CAMTA1: variants seen among roughly 807,000 people sequenced by gnomAD.
CAMTA1 encodes the protein calmodulin binding transcription activator 1.
CAMTA1 carries 27 observed loss-of-function variants against 170.9 expected under a neutral mutation model. The ratio of observed to expected loss-of-function variants is 0.16; its 90% CI spans 0.12 to 0.22. The LOEUF is 0.22. Ranked by LOEUF, CAMTA1 falls within the 10% of genes least tolerant of loss-of-function variation. The pLI is 1.00. For synonymous variants in CAMTA1, 833 were observed against 891.5 expected (o/e 0.93, Z 1.17); for missense variants, 1,619 against 2,217.2 (o/e 0.73, Z 5.42).
chr1:7,462,142 T>C (rs2093104728), intron 5 of CAMTA1, among the ~76,000 whole-genome samples: 1 of 152,264 alleles, frequency 6.6e-6, no homozygotes, highest in Non-Finnish European at 1.5e-5. Flanking sequence ...TTATTTTATT[T>C]TTGAGACAGA....
rs1277238308 is a variant in CAMTA1, at chr1:7,300,869, A to T, written c.438+51243A>T. 1.3e-5 allele frequency among the ~76,000 whole-genome samples: 2 copies of T among 152,208 alleles called. No homozygotes were observed. Among genetic ancestry groups the T allele is most frequent in the Non-Finnish European group, 2.9e-5 (2 of 68,040 alleles). On this transcript the variant is annotated intron_variant, in intron 5 of 22. Coordinates refer to ENST00000303635, the MANE Select transcript of CAMTA1 (RefSeq NM_015215.4). The surrounding 1 kb of genome is among the most constrained non-coding windows in gnomAD (Gnocchi z 4.1). ...ACTCAAAGTAAATATTAATTCCATT[A>T]TGCCATAAACTTTTATTTATCATGA...
rs146802623 is a variant in CAMTA1, at chr1:7,556,588, C to T, written c.511-83812C>T. 2.5e-3 allele frequency among the ~76,000 whole-genome samples: 374 copies of T among 152,288 alleles called. 2 individuals carry two copies. The highest frequency in any genetic ancestry group is 8.6e-3 in the African/African-American group (356 of 41,538). On this transcript the variant is annotated intron_variant, in intron 6 of 22. Coordinates refer to ENST00000303635, the MANE Select transcript of CAMTA1 (RefSeq NM_015215.4). ...TCAACACCACTGTTCTAAGGGTGGCCACTGTGGCCATTCCTGCTCTCAAAC... is the reference window on the plus strand; with the variant it reads ...TCAACACCACTGTTCTAAGGGTGGCTACTGTGGCCATTCCTGCTCTCAAAC...
chr1:6,868,772 G>A (rs1306468299), intron 3 of CAMTA1, among the ~76,000 whole-genome samples: 2 of 152,196 alleles, frequency 1.3e-5, no homozygotes, highest in Admixed American at 6.5e-5. Flanking sequence ...AATATTCTTT[G>A]CTGTAACACT....
intron 11 of CAMTA1, among the ~76,000 whole-genome samples, chr1:7,708,338 C>T (rs933853721): frequency 6.7e-6 from 1 of 150,340 alleles, no homozygotes; most frequent in African/African-American, 2.5e-5. Context: ...CTCAACAAAA[C>T]AAAACAAAGA....
Position 7,664,326 on chromosome 1 carries a change from G to A in CAMTA1, c.1779G>A (p.Lys593=), listed in dbSNP as rs1226299016. 6.2e-7 allele frequency: 1 copy of A among 1,613,472 alleles called. No individual in the cohort carries two copies. The highest frequency in any genetic ancestry group is 2.2e-5 in the East Asian group (1 of 44,878). Residue 593 remains lysine (K), a synonymous_variant, in exon 9 of 23, where the codon AAG becomes AAA. Coordinates refer to ENST00000303635, the MANE Select transcript of CAMTA1 (RefSeq NM_015215.4). The part of the protein sequence containing the change: ...QMDFSAIDSN[K]DYTSSFSQTG... ...ACTTCAGCGCCATCGACTCCAACAA[G>A]GACTACACGTCCAGCTTCAGCCAGA... is the stretch of plus-strand genomic sequence containing the variant.
rs533421288 is a variant in CAMTA1, at chr1:7,417,163, G to A, written c.439-50667G>A. On this transcript the variant is annotated intron_variant, in intron 5 of 22. Coordinates refer to ENST00000303635, the MANE Select transcript of CAMTA1 (RefSeq NM_015215.4). ...TTTTGTCTCAGAGGAGTACCCGGCC[G>A]TGTGAGGTGTCAGTCTGCCCCTACT... 1.4e-4 allele frequency among the ~76,000 whole-genome samples: 22 copies of A among 152,376 alleles called. No homozygotes were observed. In the South Asian group the frequency reaches 3.5e-3, roughly 24 times the overall value.
Position 7,736,478 on chromosome 1 carries a change from C to T in CAMTA1, c.3201C>T (p.Thr1067=), listed in dbSNP as rs762167177. 8.1e-6 allele frequency: 13 copies of T among 1,614,116 alleles called. No homozygotes were observed. The South Asian group carries it at 1.4e-4, about 18-fold the overall frequency. ...LIHSKTFRGM[T]LLHLAAAQGY... is the part of the protein sequence containing the mutation. ...ACTCAAAGACTTTCCGCGGAATGACCCTACTCCACCTGGCCGCTGCCCAGG... is the reference window on the plus strand; with the variant it reads ...ACTCAAAGACTTTCCGCGGAATGACTCTACTCCACCTGGCCGCTGCCCAGG... The change falls in exon 13 of 23, where the codon ACC becomes ACT. Residue 1067 remains threonine (T), a synonymous_variant. Transcript: ENST00000303635. The surrounding 1 kb of genome is among the most constrained non-coding windows in gnomAD (Gnocchi z 4.5).
At chr1:7,525,712 C>A (rs1429964618) in intron 6 of CAMTA1, among the ~76,000 whole-genome samples, 1 of 152,164 alleles carries the variant, frequency 6.6e-6, no homozygotes, top group African/African-American at 2.4e-5. Flanking sequence ...ATCTGTGAAA[C>A]CACCCCTGCA....
intron 3 of CAMTA1, among the ~76,000 whole-genome samples, chr1:6,950,148 A>AG (rs1193909171): frequency 2.0e-5 from 3 of 152,164 alleles, no homozygotes; most frequent in African/African-American, 7.2e-5. Flanking sequence ...GCCCAGGGGC[A>AG]GGGGATGGTG....
chr1:7,760,475 A>G (rs1187937949), intron 22 of CAMTA1, among the ~76,000 whole-genome samples: 3 of 152,334 alleles, frequency 2.0e-5, no homozygotes, highest in South Asian at 2.1e-4. Context: ...CCGTAGCTCA[A>G]TTTGGCATGA....
intron 4 of CAMTA1, among the ~76,000 whole-genome samples, chr1:7,246,655 AC>A (rs1234939850): frequency 1.8e-5 from 2 of 109,000 alleles, no homozygotes; most frequent in African/African-American, 7.3e-5. Flanking sequence ...ATCCCTTCCC[AC>A]CAGCTCTGAC....
chr1:6,985,402 T>A (rs550456592), intron 3 of CAMTA1, among the ~76,000 whole-genome samples: 3 of 152,150 alleles, frequency 2.0e-5, no homozygotes, highest in African/African-American at 7.2e-5. Context: ...AGAATAGAAA[T>A]TTTCTCCACG....
At chr1:7,256,556 T>TCAAAAA (rs1399607223) in intron 5 of CAMTA1, among the ~76,000 whole-genome samples, 11 of 152,182 alleles carry the variant, frequency 7.2e-5, no homozygotes, top group African/African-American at 2.7e-4. Context: ...AGACTCCGTC[T>TCAAAAA]CAAAAACAAA....
intron 3 of CAMTA1, among the ~76,000 whole-genome samples, chr1:6,990,864 T>G (rs2100425637): frequency 6.6e-6 from 1 of 151,858 alleles, no homozygotes; most frequent in South Asian, 2.1e-4. Flanking sequence ...AATAGCTTTT[T>G]GGGGGTACAA....
At chr1:7,230,050 G>T (rs1032790799) in intron 4 of CAMTA1, among the ~76,000 whole-genome samples, 2 of 152,196 alleles carry the variant, frequency 1.3e-5, no homozygotes, top group East Asian at 3.9e-4. Flanking sequence ...AGCCGGAGAA[G>T]GGGCTGAGGT....
rs531757950 is a variant in CAMTA1, at chr1:6,887,506, G to T, written c.234+62296G>T. On this transcript the variant is annotated intron_variant, in intron 3 of 22. Transcript: ENST00000303635. This position sits in a 1 kb window ranked among gnomAD's most constrained non-coding sequence, Gnocchi z 4.1. ...GATACATACCTGTTCATCTGTATACGTATGTGTGTGTTTAATATATACTTT... is the reference window on the plus strand; with the variant it reads ...GATACATACCTGTTCATCTGTATACTTATGTGTGTGTTTAATATATACTTT... 91 of 1,181,494 alleles carry T rather than the reference G, an allele frequency of 7.7e-5. 2 individuals carry two copies. In the East Asian group the frequency reaches 2.0e-3, roughly 26 times the overall value. 73.2% of individuals were successfully genotyped at this position (1,181,494 alleles called of 1,614,324 possible). A position where few individuals can be genotyped will look rare whatever the true frequency, so the allele number is the denominator to read the frequency against.
At chr1:7,219,357 G>C (rs530267308) in intron 4 of CAMTA1, 1 of 151,762 alleles carries the variant, frequency 6.6e-6, no homozygotes, top group Non-Finnish European at 1.5e-5. Flanking sequence ...GAAGGGACCC[G>C]CCATGCTTAC....
intron 3 of CAMTA1, among the ~76,000 whole-genome samples, chr1:6,907,675 G>A (rs2149253389): frequency 6.6e-6 from 1 of 152,304 alleles, no homozygotes; most frequent in African/African-American, 2.4e-5. Context: ...CAGGTACGGG[G>A]CCAGCCTGCC....
chr1:7,689,634 G>A (rs912507048), intron 11 of CAMTA1, among the ~76,000 whole-genome samples: 1 of 152,096 alleles, frequency 6.6e-6, no homozygotes, highest in Non-Finnish European at 1.5e-5. Context: ...AAAAACAAAC[G>A]GAGGTTGTTC....
Sources: allele counts gnomAD v4.1 joint callset (sites outside exome capture counted in the v4.1 genomes callset), GRCh38; gene constraint gnomAD v4.1.1; non-coding constraint Gnocchi (gnomAD v3.1); transcripts MANE v1.5; gene names NCBI Gene and HGNC (gene_info 2026-07-23, HGNC 2026-07-21).